Variants in SLF2 observed in about 807,000 individuals in gnomAD.
SLF2 encodes the protein SMC5/6 complex localization factor 2.
In SLF2, 68 loss-of-function variants were observed where a neutral mutation model predicts 124.3. That is an observed-to-expected ratio of 0.55 (90% CI 0.45 to 0.67). SLF2 has a LOEUF of 0.67. Among genes scored for constraint, SLF2 ranks in the 30% least tolerant of loss-of-function variants. The pLI, the probability that SLF2 is intolerant of heterozygous loss-of-function variation, is 0.00. For synonymous variants in SLF2, 480 were observed against 478.8 expected (o/e 1.00, Z -0.03); for missense variants, 1,246 against 1,373.7 (o/e 0.91, Z 1.47).
chr10:100,924,923 A>T lies in SLF2; in HGVS notation c.1922A>T (p.Lys641Met), dbSNP rs528451428. The T allele has an allele frequency of 1.1e-5, 17 of 1,614,146 alleles. No homozygotes were observed. In the East Asian group the frequency reaches 3.6e-4, roughly 34 times the overall value. Residue 641 changes from lysine to methionine, a missense_variant, in exon 5 of 20, where the codon AAG becomes ATG. Transcript: ENST00000238961. ...AATCAGACTCCTGCAGCTACAGGAA[A>T]GCCTCCTGCTCTTTCCAAGGGGCTT... ...NFNQTPAATG[K>M]PPALSKGLRS...
intron 11 of SLF2, among the ~76,000 whole-genome samples, chr10:100,942,766 G>A (rs948383249): frequency 6.6e-6 from 1 of 152,192 alleles, no homozygotes; most frequent in Non-Finnish European, 1.5e-5. Context: ...TGATCTGCCT[G>A]CCTCAGCCTC....
At chr10:100,947,610 C>CTA in intron 14 of SLF2, 150 bp from the exon 15 acceptor site, 1 of 491,330 alleles carries the variant, frequency 2.0e-6, no homozygotes. Context: ...TTTTACTGTT[C>CTA]TATAACAGCT....
intron 6 of SLF2, among the ~76,000 whole-genome samples, chr10:100,927,226 C>T (rs1185831071): frequency 6.6e-6 from 1 of 152,170 alleles, no homozygotes; most frequent in Non-Finnish European, 1.5e-5. Context: ...AACTGAAACT[C>T]CATACCCTTT....
intron 3 of SLF2, among the ~76,000 whole-genome samples, chr10:100,918,126 TATAAAC>T (rs1184297599): frequency 1.3e-5 from 2 of 152,246 alleles, no homozygotes; most frequent in Non-Finnish European, 2.9e-5. Flanking sequence ...GAATTATTGA[TATAAAC>T]GTAAATCAGC....
At position 100,924,309 on chromosome 10, in the gene SLF2, G is replaced by A; in HGVS notation, c.1308G>A (p.Met436Ile). 2 of 1,614,020 alleles carry A rather than the reference G, an allele frequency of 1.2e-6. No individual in the cohort carries two copies. The highest frequency in any genetic ancestry group is 1.1e-5 in the South Asian group (1 of 91,070). The change falls in exon 5 of 20, where the codon ATG becomes ATA. Residue 436 changes from methionine to isoleucine, a missense_variant. Met to Ile is a conservative substitution (Grantham distance 10, BLOSUM62 1). Coordinates refer to ENST00000238961, the MANE Select transcript of SLF2 (RefSeq NM_018121.4). ...IQVAGTKETKMQKPHLPLSQE... is the reference protein window; with the variant it reads ...IQVAGTKETKIQKPHLPLSQE... ...TGGCAGGTACCAAGGAGACTAAGAT[G>A]CAGAAACCCCACTTACCTTTATCTC...
At chr10:100,913,924 ATTAAGTT>A in intron 1 of SLF2, 2 of 955,254 alleles carry the variant, frequency 2.1e-6, no homozygotes, top group Non-Finnish European at 2.5e-6. Context: ...GTTAAATTGT[ATTAAGTT>A]TTAACAATAT....
At chr10:100,954,545 G>A (rs1317444252) in intron 17 of SLF2, among the ~76,000 whole-genome samples, 1 of 152,172 alleles carries the variant, frequency 6.6e-6, no homozygotes, top group African/African-American at 2.4e-5. Context: ...CCAAGTATAT[G>A]TGAGAGAACT....
rs979926900 is a variant in SLF2, at chr10:100,926,150, A to G, written c.2042+131A>G. 1.1e-5 allele frequency: 17 copies of G among 1,564,566 alleles called. No individual in the cohort carries two copies. In the Admixed American group the frequency reaches 2.9e-4, roughly 26 times the overall value. On this transcript the variant is annotated intron_variant, in intron 6 of 19. Coordinates refer to ENST00000238961, the MANE Select transcript of SLF2 (RefSeq NM_018121.4). ...TTTGGACTCTGTTGTCAACTGTGTT[A>G]GAATAAGATATGTTGGCCGGACGCA...
chr10:100,926,206 G>T, intron 6 of SLF2, 187 bp downstream of exon 6: 1 of 1,547,260 alleles, frequency 6.5e-7, no homozygotes, highest in Non-Finnish European at 8.7e-7. Flanking sequence ...CAACACTTTG[G>T]GAGACCCAGG....
rs537012067 is a variant in SLF2, at chr10:100,915,711, A to G, written c.141-288A>G. On this transcript the variant is annotated intron_variant, in intron 1 of 19. Transcript: ENST00000238961. Reference sequence around the variant, plus strand: ...CGTGAACATTTCAGTCTTAAGAAGCACTCTGTACTAATTCCTTGGGTCTAC... The same window carrying G: ...CGTGAACATTTCAGTCTTAAGAAGCGCTCTGTACTAATTCCTTGGGTCTAC... Among the ~76,000 whole-genome samples the G allele has an allele frequency of 3.9e-5, 6 of 152,262 alleles. No homozygotes were observed. In the East Asian group the frequency reaches 1.2e-3, roughly 29 times the overall value.
intron 9 of SLF2, among the ~76,000 whole-genome samples, chr10:100,933,954 C>T (rs1416296771): frequency 1.1e-4 from 17 of 152,224 alleles, no homozygotes; most frequent in Non-Finnish European, 1.5e-4. Context: ...TCTGGGACTA[C>T]AGGCGTGAGC....
At chr10:100,914,320 T>A (rs1849375899) in intron 1 of SLF2, among the ~76,000 whole-genome samples, 1 of 148,160 alleles carries the variant, frequency 6.7e-6, no homozygotes, top group Admixed American at 6.9e-5. Flanking sequence ...GTGTTTTTTT[T>A]TAAGCCAGTT....
At chr10:100,918,483 C>T in intron 4 of SLF2, 42 bp downstream of exon 4, 1 of 1,302,516 alleles carries the variant, frequency 7.7e-7, no homozygotes, top group African/African-American at 1.5e-5. Context: ...AATAAATTTC[C>T]ATTTTAATGG....
chr10:100,924,612 A>C lies in SLF2; in HGVS notation c.1611A>C (p.Ser537=). ...KTNKADSNVS[S]GKISGGPLRS... The stretch of plus-strand genomic sequence containing the variant: ...ATAAGGCCGATTCTAATGTATCTTC[A>C]GGGAAAATTTCTGGGGGACCTTTGC... The change falls in exon 5 of 20, where the codon TCA becomes TCC. Residue 537 remains serine (S), a synonymous_variant. Transcript: ENST00000238961. The C allele has an allele frequency of 6.2e-7, 1 of 1,614,092 alleles. No individual in the cohort carries two copies. The highest frequency in any genetic ancestry group is 8.5e-7 in the Non-Finnish European group (1 of 1,180,030).
intron 17 of SLF2, among the ~76,000 whole-genome samples, chr10:100,954,489 G>T (rs1383977012): frequency 6.6e-6 from 1 of 152,010 alleles, no homozygotes; most frequent in Non-Finnish European, 1.5e-5. Context: ...ATTTTAAATC[G>T]CTATTATCAC....
intron 12 of SLF2, 114 bp downstream of exon 12, chr10:100,944,242 T>A: frequency 1.7e-6 from 1 of 596,264 alleles, no homozygotes; most frequent in Non-Finnish European, 2.8e-6. Flanking sequence ...ACGCCTGTAA[T>A]CCCAGCACTT....
At chr10:100,931,184 A>G (rs993005693) in intron 9 of SLF2, 106 bp downstream of exon 9, 2 of 827,656 alleles carry the variant, frequency 2.4e-6, no homozygotes, top group African/African-American at 1.7e-5. Context: ...AAATTAATGT[A>G]GCACATCCAT....
At chr10:100,956,645 C>A in intron 18 of SLF2, 108 bp downstream of exon 18, 3 of 780,046 alleles carry the variant, frequency 3.8e-6, no homozygotes, top group South Asian at 2.0e-5. Flanking sequence ...ACATATAAGG[C>A]TAGGCATGGT....
chr10:100,932,714 T>TGCGC (rs775601017), intron 9 of SLF2, among the ~76,000 whole-genome samples: 3 of 92,688 alleles, frequency 3.2e-5, no homozygotes, highest in African/African-American at 1.0e-4. Flanking sequence ...TGTGTGTGTG[T>TGCGC]GTGTGTGCGC....
Sources: gnomAD v4.1 joint callset for allele counts (sites outside exome capture counted in the v4.1 genomes callset) on GRCh38, gnomAD v4.1.1 for gene constraint, MANE v1.5 for transcripts, NCBI Gene and HGNC (gene_info 2026-07-23, HGNC 2026-07-21) for gene names.